Variants in CNGA3 observed in about 807,000 individuals in gnomAD.
CNGA3 encodes the protein cyclic nucleotide gated channel subunit alpha 3.
In CNGA3, 42 loss-of-function variants were observed where a neutral mutation model predicts 46.6. That is an observed-to-expected ratio of 0.90 (90% CI 0.70 to 1.17). The LOEUF (loss-of-function observed/expected upper bound fraction) is 1.17, where lower values mean the gene tolerates loss of function less well. Ranked by LOEUF, CNGA3 falls within the 50% of genes most tolerant of loss-of-function variation. The pLI is 0.00. For synonymous variants in CNGA3, 394 were observed against 369.4 expected, an observed-to-expected ratio of 1.07 and a Z score of -0.76; for missense variants, 893 against 890.7, an observed-to-expected ratio of 1.00 and a Z score of -0.03.
intron 4 of CNGA3, among the ~76,000 whole-genome samples, chr2:98,382,871 T>C (rs1692569373): frequency 6.6e-6 from 1 of 152,186 alleles, no homozygotes; most frequent in Non-Finnish European, 1.5e-5. Flanking sequence ...CAATCCCACC[T>C]ATGCTCAATT....
intron 6 of CNGA3, among the ~76,000 whole-genome samples, chr2:98,390,220 C>T (rs1384987829): frequency 8.6e-5 from 13 of 152,032 alleles, no homozygotes; most frequent in South Asian, 4.2e-4. Flanking sequence ...ACTGCAACCT[C>T]CACCTCCCGG....
At chr2:98,391,788 G>C (rs1335278038) in intron 6 of CNGA3, 76 bp from the exon 7 acceptor site, 1 of 1,385,746 alleles carries the variant, frequency 7.2e-7, no homozygotes, top group Admixed American at 1.7e-5. Context: ...TCCACACAGA[G>C]CCCGTGCCCA....
In CNGA3 at chr2:98,396,192, C is replaced by T; in HGVS notation, c.1022C>T (p.Ser341Leu). ...GTDSWVYPNI[S>L]IPEHGRLSRK... ...GACTCCTGGGTCTACCCAAACATCT[C>T]AATCCCAGAGCATGGGCGCCTCTCC... The change falls in exon 8 of 8, where the codon TCA becomes TTA. Residue 341 changes from serine to leucine, a missense_variant. Around this residue, in one of 3 missense-constraint regions of CNGA3, gnomAD observed 548 missense variants for 570.8 expected, o/e 0.96. Coordinates refer to ENST00000272602, the MANE Select transcript of CNGA3 (RefSeq NM_001298.3). 2 of 1,614,232 alleles carry T rather than the reference C, an allele frequency of 1.2e-6. No homozygotes were observed. The highest frequency in any genetic ancestry group is 1.7e-6 in the Non-Finnish European group (2 of 1,180,044).
At chr2:98,371,945 G>A (rs1283308823) in intron 2 of CNGA3, among the ~76,000 whole-genome samples, 3 of 152,228 alleles carry the variant, frequency 2.0e-5, no homozygotes, top group East Asian at 1.9e-4. Context: ...GTCAGGATCA[G>A]GAAGATTTTG....
chr2:98,372,818 G>T (rs1692317245), intron 2 of CNGA3, among the ~76,000 whole-genome samples: 1 of 152,006 alleles, frequency 6.6e-6, no homozygotes, highest in South Asian at 2.1e-4. Context: ...TCTTCTCCTT[G>T]ACCTCAGATA....
intron 7 of CNGA3, among the ~76,000 whole-genome samples, chr2:98,392,532 A>G (rs183037452): frequency 2.6e-5 from 4 of 151,872 alleles, no homozygotes; most frequent in Non-Finnish European, 5.9e-5. Flanking sequence ...CTTCACTCCA[A>G]CCTGGGTGAC....
At chr2:98,384,428 T>C (rs1692609339) in intron 5 of CNGA3, among the ~76,000 whole-genome samples, 1 of 152,234 alleles carries the variant, frequency 6.6e-6, no homozygotes. Context: ...AATGCCGATT[T>C]CTTGACTTCC....
At chr2:98,355,178 C>CT (rs1691852250) in intron 1 of CNGA3, among the ~76,000 whole-genome samples, 1 of 144,364 alleles carries the variant, frequency 6.9e-6, no homozygotes, top group Admixed American at 6.9e-5. Context: ...CCTGTGAAAT[C>CT]CTTTTGTATG....
At position 98,380,331 on chromosome 2, in the gene CNGA3, G is replaced by C; in HGVS notation, c.372G>C (p.Gln124His). Residue 124 changes from glutamine to histidine, a missense_variant, in exon 4 of 8, where the codon CAG (glutamine) becomes CAC (histidine). Gln to His is a conservative substitution (Grantham distance 24). Transcript: ENST00000272602. ...ESNAQANVGS[Q>H]EPADRGRSAW... ...ATGCCCAGGCAAATGTGGGCAGCCA[G>C]GAGCCAGCAGACAGAGGGAGAAGGT... The C allele has an allele frequency of 6.2e-7, 1 of 1,614,194 alleles. No individual in the cohort carries two copies. The highest frequency in any genetic ancestry group is 8.5e-7 in the Non-Finnish European group (1 of 1,180,030).
At chr2:98,367,006 C>T (rs934030909) in intron 1 of CNGA3, among the ~76,000 whole-genome samples, 9 of 152,030 alleles carry the variant, frequency 5.9e-5, no homozygotes, top group African/African-American at 1.9e-4. Context: ...GTCCCCTTGC[C>T]CTGTGCCGCT....
chr2:98,366,554 C>A (rs964647966), intron 1 of CNGA3, among the ~76,000 whole-genome samples: 1 of 152,234 alleles, frequency 6.6e-6, no homozygotes, highest in Non-Finnish European at 1.5e-5. Flanking sequence ...GCAAGGGGCT[C>A]CATCCCAGGG....
Position 98,374,578 on chromosome 2 carries a change from C to A in CNGA3, c.102-3109C>A, listed in dbSNP as rs571255937. 5.3e-5 allele frequency among the ~76,000 whole-genome samples: 8 copies of A among 152,320 alleles called. 1 individual carries two copies. The South Asian group carries it at 1.7e-3, about 32-fold the overall frequency. On this transcript the variant is annotated intron_variant, in intron 2 of 7. Coordinates refer to ENST00000272602, the MANE Select transcript of CNGA3 (RefSeq NM_001298.3). ...CTGCATTAGTCGCCAAAAGCATCTC[C>A]TTTTTTTCGGTACCTGTGTGTCCTT...
chr2:98,385,493 A>C (rs1041127106), intron 5 of CNGA3, among the ~76,000 whole-genome samples: 20 of 152,210 alleles, frequency 1.3e-4, no homozygotes, highest in African/African-American at 4.8e-4. Flanking sequence ...GAATTCCACT[A>C]TCAGAGATAG....
intron 2 of CNGA3, among the ~76,000 whole-genome samples, chr2:98,375,861 T>C (rs1317293536): frequency 1.3e-5 from 2 of 152,176 alleles, no homozygotes; most frequent in Non-Finnish European, 2.9e-5. Flanking sequence ...CTGTACCACC[T>C]GGCTATGGGA....
Position 98,370,037 on chromosome 2 carries a change from C to G in CNGA3, c.62C>G (p.Ser21Ter), listed in dbSNP as rs1402442627. Residue 21 changes from serine to a stop codon, truncating the protein, a stop_gained, in exon 2 of 8, where the codon TCA becomes TGA. Transcript: ENST00000272602. LOFTEE classifies it high-confidence loss of function. ...PSRTHLKVKT[S>*]DRDLNRAENG... ...AGGACCCACCTCAAGGTAAAGACCT[C>G]AGACCGAGATCTCAATCGCGCTGAA... The G allele has an allele frequency of 3.7e-6, 6 of 1,614,038 alleles. No homozygotes were observed. In the East Asian group the frequency reaches 1.1e-4, roughly 30 times the overall value.
intron 5 of CNGA3, 138 bp downstream of exon 5, chr2:98,383,579 C>A: frequency 2.4e-6 from 2 of 850,308 alleles, no homozygotes; most frequent in South Asian, 1.5e-5. Flanking sequence ...GAATCCTGTT[C>A]CCTTCGTTGG....
intron 5 of CNGA3, among the ~76,000 whole-genome samples, chr2:98,387,535 T>A (rs1281786229): frequency 1.3e-5 from 2 of 152,054 alleles, no homozygotes; most frequent in South Asian, 2.1e-4. Flanking sequence ...TTTATAAGAG[T>A]TCCTAGCTCT....
chr2:98,383,372 C>G lies in CNGA3; in HGVS notation c.396-16C>G. ...ACAGAGTTCAGACCCTTGATGTTCT[C>G]TCTACCTTCCCGCAGCGCCTGGCCC... On this transcript the variant is annotated splice_polypyrimidine_tract_variant and intron_variant, in intron 4 of 7. Coordinates refer to ENST00000272602, the MANE Select transcript of CNGA3 (RefSeq NM_001298.3). 6.2e-7 allele frequency: 1 copy of G among 1,613,916 alleles called. No individual in the cohort carries two copies. Among genetic ancestry groups the G allele is most frequent in the Non-Finnish European group, 8.5e-7 (1 of 1,179,852 alleles).
At chr2:98,390,242 T>C (rs1055190176) in intron 6 of CNGA3, among the ~76,000 whole-genome samples, 1 of 151,624 alleles carries the variant, frequency 6.6e-6, no homozygotes, top group Non-Finnish European at 1.5e-5. Flanking sequence ...TTAAAGCGAT[T>C]CTCCTGCCTC....
Sources: allele counts gnomAD v4.1 joint callset (sites outside exome capture counted in the v4.1 genomes callset), GRCh38; gene constraint gnomAD v4.1.1; regional missense constraint gnomAD v4.1.1; transcripts MANE v1.5; gene names NCBI Gene and HGNC (gene_info 2026-07-23, HGNC 2026-07-21).